Variants in SGCZ observed in about 807,000 individuals in gnomAD.
The protein encoded by SGCZ is sarcoglycan zeta.
A neutral mutation model predicts 41.3 loss-of-function variants in SGCZ; 40 were observed. The observed-to-expected ratio is 0.97, with a 90% CI of 0.75 to 1.26. The LOEUF (loss-of-function observed/expected upper bound fraction) is 1.26, where lower values mean the gene tolerates loss of function less well. Among genes scored for constraint, SGCZ ranks in the 50% most tolerant of loss-of-function variants. The pLI is 0.00. For synonymous variants in SGCZ, 206 were observed against 137.5 expected (o/e 1.50, Z -3.49); for missense variants, 552 against 369.8 (o/e 1.49, Z -4.04).
At chr8:14,375,930 C>G (rs1421969868) in intron 2 of SGCZ, among the ~76,000 whole-genome samples, 1 of 152,010 alleles carries the variant, frequency 6.6e-6, no homozygotes, top group African/African-American at 2.4e-5. Context: ...AATGCTGGTC[C>G]CTGAAAAATT....
intron 2 of SGCZ, among the ~76,000 whole-genome samples, chr8:14,340,439 G>A (rs956325479): frequency 8.6e-5 from 13 of 151,996 alleles, no homozygotes; most frequent in Middle Eastern, 3.4e-3. Flanking sequence ...TTTTATTCAC[G>A]TATTTATTGC....
At chr8:14,584,760 A>G (rs1805006007) in intron 1 of SGCZ, among the ~76,000 whole-genome samples, 1 of 152,052 alleles carries the variant, frequency 6.6e-6, no homozygotes, top group African/African-American at 2.4e-5. Context: ...AAGGTAGAAA[A>G]CAGTTATTAA....
intron 1 of SGCZ, among the ~76,000 whole-genome samples, chr8:15,172,658 G>C (rs1368364691): frequency 6.6e-6 from 1 of 152,120 alleles, no homozygotes; most frequent in Non-Finnish European, 1.5e-5. Flanking sequence ...CAAAAGGAGT[G>C]ACTTCCTAAC....
At chr8:14,211,021 G>T (rs182749779) in intron 4 of SGCZ, among the ~76,000 whole-genome samples, 3 of 152,258 alleles carry the variant, frequency 2.0e-5, no homozygotes, top group Non-Finnish European at 4.4e-5. Flanking sequence ...ACAACAAATA[G>T]CTGGGAGATT....
chr8:14,652,173 C>A (rs1345266979), intron 1 of SGCZ, among the ~76,000 whole-genome samples: 1 of 151,566 alleles, frequency 6.6e-6, no homozygotes, highest in Non-Finnish European at 1.5e-5. Flanking sequence ...AAAACCCTGT[C>A]TCTACTGAAA....
intron 3 of SGCZ, among the ~76,000 whole-genome samples, chr8:14,240,336 A>AAAAAAAAAAAAAAAAAAAAT: frequency 1.5e-5 from 1 of 68,226 alleles, no homozygotes; most frequent in African/African-American, 5.3e-5. Flanking sequence ...TCAAAAAAAA[A>AAAAAAAAAAAAAAAAAAAAT]AAAAAAAAAA....
intron 2 of SGCZ, among the ~76,000 whole-genome samples, chr8:14,325,798 C>T (rs867715854): frequency 3.4e-5 from 4 of 117,712 alleles, no homozygotes; most frequent in Non-Finnish European, 5.2e-5. Context: ...ATATATCAAC[C>T]AGCACATCCA....
At chr8:15,196,370 A>T (rs1179947836) in intron 1 of SGCZ, among the ~76,000 whole-genome samples, 2 of 152,230 alleles carry the variant, frequency 1.3e-5, no homozygotes, top group Non-Finnish European at 2.9e-5. Context: ...CTCCCAAATG[A>T]AAACACCCCA....
chr8:14,650,418 G>C (rs1256104643), intron 1 of SGCZ, among the ~76,000 whole-genome samples: 2 of 151,954 alleles, frequency 1.3e-5, no homozygotes, highest in Non-Finnish European at 2.9e-5. Flanking sequence ...TTCATGTCAT[G>C]GGGGTTTGTT....
chr8:14,293,100 G>A (rs2116950269), intron 3 of SGCZ, among the ~76,000 whole-genome samples: 1 of 152,038 alleles, frequency 6.6e-6, no homozygotes, highest in African/African-American at 2.4e-5. Flanking sequence ...GATCTAAAAA[G>A]TACAGCCAAA....
chr8:14,099,417 G>A (rs185646697), intron 7 of SGCZ, among the ~76,000 whole-genome samples: 13 of 152,128 alleles, frequency 8.5e-5, no homozygotes, highest in East Asian at 1.9e-4. Context: ...AATCCGGCCC[G>A]GGACTCACAA....
intron 1 of SGCZ, among the ~76,000 whole-genome samples, chr8:15,072,986 T>A (rs1269933958): frequency 6.6e-6 from 1 of 152,030 alleles, no homozygotes; most frequent in East Asian, 1.9e-4. Flanking sequence ...TTAGGAAGCA[T>A]TAGAGTGTTA....
chr8:15,092,295 T>C (rs191387848), intron 1 of SGCZ, among the ~76,000 whole-genome samples: 1 of 152,208 alleles, frequency 6.6e-6, no homozygotes, highest in Non-Finnish European at 1.5e-5. Flanking sequence ...AATTCTAGAA[T>C]CAGTACTACA....
intron 2 of SGCZ, among the ~76,000 whole-genome samples, chr8:14,513,307 G>T (rs755269410): frequency 6.6e-6 from 1 of 152,004 alleles, no homozygotes; most frequent in African/African-American, 2.4e-5. Flanking sequence ...CAAAGTGCTG[G>T]AATTACAAGC....
intron 1 of SGCZ, among the ~76,000 whole-genome samples, chr8:14,618,604 T>C (rs1806183176): frequency 6.6e-6 from 1 of 152,188 alleles, no homozygotes; most frequent in African/African-American, 2.4e-5. Context: ...TCAAAAGACT[T>C]TATCTTTTAT....
chr8:14,732,604 CAT>C (rs1291053835), intron 1 of SGCZ, among the ~76,000 whole-genome samples: 1 of 152,158 alleles, frequency 6.6e-6, no homozygotes, highest in Admixed American at 6.5e-5. Context: ...AGCATGGAAA[CAT>C]ATGATGAGAA....
intron 1 of SGCZ, among the ~76,000 whole-genome samples, chr8:14,774,545 T>C (rs771654248): frequency 6.6e-6 from 1 of 152,152 alleles, no homozygotes; most frequent in Non-Finnish European, 1.5e-5. Flanking sequence ...GGTGTGGAAA[T>C]CAGTCTTTAT....
At chr8:14,108,492 C>T (rs561427709) in intron 5 of SGCZ, among the ~76,000 whole-genome samples, 3 of 152,078 alleles carry the variant, frequency 2.0e-5, no homozygotes, top group Non-Finnish European at 4.4e-5. Context: ...CTTCATACAT[C>T]GCGGTGGCAA....
chr8:14,799,601 C>T (rs1209772362), intron 1 of SGCZ, among the ~76,000 whole-genome samples: 2 of 152,152 alleles, frequency 1.3e-5, no homozygotes, highest in African/African-American at 4.8e-5. Flanking sequence ...TCAAGTTCCC[C>T]TTCTGAACTA....
Sources: allele counts gnomAD v4.1 joint callset (sites outside exome capture counted in the v4.1 genomes callset), GRCh38; gene constraint gnomAD v4.1.1; transcripts MANE v1.5; gene names NCBI Gene and HGNC (gene_info 2026-07-23, HGNC 2026-07-21).